The following PCDH9 variants were observed in gnomAD, a reference collection of about 807,000 sequenced individuals.
PCDH9 encodes protocadherin 9, also known as protocadherin-9.
PCDH9 carries 24 observed loss-of-function variants against 70.6 expected under a neutral mutation model. The ratio of observed to expected loss-of-function variants is 0.34; its 90% CI spans 0.25 to 0.48. The LOEUF (loss-of-function observed/expected upper bound fraction) is 0.48. PCDH9 is among the 20% of genes least tolerant of loss of function. The pLI is 0.99. For missense variants in PCDH9, 1,281 were observed against 1,503.6 expected (o/e 0.85, Z 2.45); for synonymous variants, 562 against 558.5 (o/e 1.01, Z -0.09).
chr13:66,942,434 A>G (rs901484776), intron 2 of PCDH9, among the ~76,000 whole-genome samples: 1 of 151,826 alleles, frequency 6.6e-6, no homozygotes, highest in African/African-American at 2.4e-5. Flanking sequence ...AAAAACCTCT[A>G]CCCATGTTGA....
chr13:66,892,264 G>A (rs1262986960), intron 3 of PCDH9, among the ~76,000 whole-genome samples: 4 of 148,358 alleles, frequency 2.7e-5, no homozygotes, highest in Non-Finnish European at 4.5e-5. Context: ...ACACACACAC[G>A]TAATGTAAGT....
chr13:66,801,936 G>T (rs1293431931), intron 3 of PCDH9, among the ~76,000 whole-genome samples: 1 of 151,946 alleles, frequency 6.6e-6, no homozygotes, highest in Non-Finnish European at 1.5e-5. Context: ...GATAAGAAAT[G>T]TATATATTAA....
chr13:66,458,656 G>T (rs1294782739), intron 4 of PCDH9, among the ~76,000 whole-genome samples: 1 of 152,002 alleles, frequency 6.6e-6, no homozygotes, highest in African/African-American at 2.4e-5. Context: ...CAATAAAATA[G>T]CACATTGATT....
chr13:67,143,661 G>C (rs573210483), intron 2 of PCDH9, among the ~76,000 whole-genome samples: 65 of 152,048 alleles, frequency 4.3e-4, no homozygotes, highest in African/African-American at 1.5e-3. Flanking sequence ...TTCTCTGTTG[G>C]GCTTACAGCT....
chr13:66,846,431 G>C (rs1168898983), intron 3 of PCDH9, among the ~76,000 whole-genome samples: 1 of 152,092 alleles, frequency 6.6e-6, no homozygotes, highest in South Asian at 2.1e-4. Flanking sequence ...TTGACCAGAT[G>C]TTTTTTTAGC....
At chr13:66,315,607 G>A (rs1955637076) in intron 4 of PCDH9, among the ~76,000 whole-genome samples, 1 of 152,094 alleles carries the variant, frequency 6.6e-6, no homozygotes, top group Non-Finnish European at 1.5e-5. Context: ...TCCGCCTCCT[G>A]AGTAGCTGGG....
At chr13:66,722,908 C>A (rs1479600129) in intron 3 of PCDH9, among the ~76,000 whole-genome samples, 1 of 146,332 alleles carries the variant, frequency 6.8e-6, no homozygotes, top group Non-Finnish European at 1.5e-5. Flanking sequence ...GCGGAGGTTG[C>A]AGTGAGCCGA....
At chr13:66,410,441 AACT>A (rs1957350556) in intron 4 of PCDH9, among the ~76,000 whole-genome samples, 2 of 152,216 alleles carry the variant, frequency 1.3e-5, no homozygotes, top group Non-Finnish European at 2.9e-5. Context: ...GGCCACAGGA[AACT>A]ACAACTTATG....
At chr13:66,715,906 T>G (rs2139140481) in intron 3 of PCDH9, among the ~76,000 whole-genome samples, 1 of 152,350 alleles carries the variant, frequency 6.6e-6, no homozygotes, top group South Asian at 2.1e-4. Flanking sequence ...GTTGTACTAG[T>G]AAGAAAGGGT....
intron 3 of PCDH9, among the ~76,000 whole-genome samples, chr13:66,835,639 GTCC>G (rs1275748759): frequency 8.5e-5 from 13 of 152,116 alleles, no homozygotes; most frequent in Non-Finnish European, 1.5e-4. Context: ...TACAAAACCT[GTCC>G]TCCTGCTAAC....
chr13:66,651,312 A>G (rs2077848722), intron 3 of PCDH9, among the ~76,000 whole-genome samples: 1 of 152,152 alleles, frequency 6.6e-6, no homozygotes, highest in African/African-American at 2.4e-5. Context: ...TAAATTAGAG[A>G]TGAAAACTGA....
At chr13:66,736,702 A>C (rs903188709) in intron 3 of PCDH9, among the ~76,000 whole-genome samples, 3 of 152,244 alleles carry the variant, frequency 2.0e-5, no homozygotes, top group African/African-American at 7.2e-5. Flanking sequence ...GTCCTCAAGC[A>C]TGGATTTCAT....
chr13:67,167,626 T>A (rs1057179794), intron 2 of PCDH9, among the ~76,000 whole-genome samples: 4 of 152,144 alleles, frequency 2.6e-5, no homozygotes, highest in African/African-American at 9.7e-5. Context: ...ACATTTTGAG[T>A]CACTTGCTTT....
At chr13:67,120,417 G>A (rs557677553) in intron 2 of PCDH9, among the ~76,000 whole-genome samples, 1 of 151,928 alleles carries the variant, frequency 6.6e-6, no homozygotes, top group African/African-American at 2.4e-5. Context: ...TGGAATTAGG[G>A]GTTAGAAATC....
At chr13:66,907,427 A>T (rs548607323) in intron 2 of PCDH9, among the ~76,000 whole-genome samples, 1 of 152,298 alleles carries the variant, frequency 6.6e-6, no homozygotes, top group African/African-American at 2.4e-5. Flanking sequence ...CATTTGTTTT[A>T]TACTTTAAGA....
At chr13:66,869,023 T>A (rs985740822) in intron 3 of PCDH9, among the ~76,000 whole-genome samples, 1 of 152,158 alleles carries the variant, frequency 6.6e-6, no homozygotes, top group Admixed American at 6.6e-5. Flanking sequence ...CAACTGACTA[T>A]ACAATGAAAT....
intron 3 of PCDH9, among the ~76,000 whole-genome samples, chr13:66,662,385 A>T (rs1038534069): frequency 6.6e-6 from 1 of 152,018 alleles, no homozygotes; most frequent in East Asian, 1.9e-4. Flanking sequence ...AGGCAGGAGA[A>T]TTGTTTGAAC....
chr13:66,966,573 C>T (rs1172805644), intron 2 of PCDH9, among the ~76,000 whole-genome samples: 3 of 152,054 alleles, frequency 2.0e-5, no homozygotes, highest in Non-Finnish European at 4.4e-5. Context: ...ACAAGAAAAG[C>T]AGTTTTAGCA....
chr13:66,711,429 A>T (rs192554947), intron 3 of PCDH9, among the ~76,000 whole-genome samples: 1 of 151,994 alleles, frequency 6.6e-6, no homozygotes. Context: ...TACAACAACC[A>T]AAGTATTGCA....
Sources: allele counts gnomAD v4.1 joint callset (sites outside exome capture counted in the v4.1 genomes callset), GRCh38; gene constraint gnomAD v4.1.1; transcripts MANE v1.5; gene names NCBI Gene and HGNC (gene_info 2026-07-23, HGNC 2026-07-21).